The following CHD5 variants were observed in gnomAD, a reference collection of about 807,000 sequenced individuals.
CHD5 encodes the protein ATP-dependent chromatin remodeler CHD5.
CHD5 carries 69 observed loss-of-function variants against 230.3 expected under a neutral mutation model. That is an observed-to-expected ratio of 0.30 (90% CI 0.25 to 0.37). CHD5 has a LOEUF of 0.37. Among genes scored for constraint, CHD5 ranks in the 10% least tolerant of loss-of-function variants. The pLI is 1.00. For synonymous variants in CHD5, 1,064 were observed against 1,065.9 expected, an observed-to-expected ratio of 1.00 and a Z score of 0.03; for missense variants, 1,827 against 2,622.8, an observed-to-expected ratio of 0.70 and a Z score of 6.63.
intron 2 of CHD5, among the ~76,000 whole-genome samples, chr1:6,166,799 C>T (rs1249078100): frequency 2.0e-5 from 3 of 152,160 alleles, no homozygotes; most frequent in Non-Finnish European, 4.4e-5. Context: ...ACCCCAGGGC[C>T]GCCAGGGGAG....
intron 6 of CHD5, 41 bp from the exon 7 acceptor site, chr1:6,151,196 CCAGAAGGCTTCGCT>C: frequency 6.4e-7 from 1 of 1,569,846 alleles, no homozygotes; most frequent in African/African-American, 1.4e-5. Flanking sequence ...AGGGCTTCAC[CCAGAAGGCTTCGCT>C]GGCCCAGGCA....
At position 6,112,933 on chromosome 1, in the gene CHD5, C is replaced by A. The variant is rs778006752; in HGVS notation, c.4978G>T (p.Gly1660Trp). The A allele has an allele frequency of 1.2e-6, 2 of 1,613,960 alleles. No homozygotes were observed. Among genetic ancestry groups the A allele is most frequent in the East Asian group, 4.5e-5 (2 of 44,882 alleles). Residue 1660 changes from glycine to tryptophan, a missense_variant, in exon 34 of 42, where the codon GGG becomes TGG. Gly to Trp is a radical substitution (Grantham distance 184). This residue lies in a region of CHD5 where 272 missense variants were observed against 263.2 expected (regional missense o/e 1.03). Transcript: ENST00000262450. ...CCTGGCCTGAGTTCGGAACTGTCCC[C>A]TCTGCTGTGGATCAAGCTCAGCTCC... is the stretch of plus-strand genomic sequence containing the variant. Reference protein sequence around the residue: ...KLELSLIHSRGDSSELRPDDT... With the variant: ...KLELSLIHSRWDSSELRPDDT...
intron 33 of CHD5, chr1:6,113,407 G>C (rs746948960): frequency 8.2e-6 from 3 of 364,814 alleles, no homozygotes; most frequent in Non-Finnish European, 1.7e-5. Flanking sequence ...CTGAGTGACA[G>C]AGCAAGACGC....
intron 36 of CHD5, 57 bp downstream of exon 36, chr1:6,111,718 C>T: frequency 2.1e-6 from 3 of 1,400,814 alleles, no homozygotes; most frequent in Admixed American, 1.7e-5. Context: ...AGGGCTCTCC[C>T]CGAGGTCCAC....
chr1:6,107,493 T>G (rs1415715244), intron 38 of CHD5, among the ~76,000 whole-genome samples: 106 of 49,414 alleles, frequency 2.1e-3, no homozygotes, highest in East Asian at 8.2e-3. Flanking sequence ...GGATGATGGA[T>G]AGATGGAGGG....
In CHD5 at chr1:6,131,677, A is replaced by C. The variant is rs904013305; in HGVS notation, c.3216T>G (p.Gly1072=). The C allele has an allele frequency of 6.2e-7, 1 of 1,613,428 alleles. No homozygotes were observed. The highest frequency in any genetic ancestry group is 1.7e-5 in the Admixed American group (1 of 59,998). The change falls in exon 21 of 42, where the codon GGT becomes GGG. Residue 1072 remains glycine (G), a synonymous_variant. Transcript: ENST00000262450. The surrounding 1 kb of genome is among the most constrained non-coding windows in gnomAD (Gnocchi z 5.0). ...CCTGCCGGAGGCCCCCGGTGATGCC[A>C]CCATCAATCCGCTCATACTTGTAGC... The part of the protein sequence containing the change: ...YEGYKYERID[G]GITGGLRQEA...
intron 31 of CHD5, among the ~76,000 whole-genome samples, chr1:6,123,370 G>A (rs12087820): frequency 0.032 from 4,819 of 152,174 alleles, 239 homozygotes; most frequent in African/African-American, 0.11. Flanking sequence ...AAAATATTCC[G>A]GCCTTAGGCA....
intron 1 of CHD5, among the ~76,000 whole-genome samples, chr1:6,170,303 G>GC (rs1473594156): frequency 6.6e-6 from 1 of 152,160 alleles, no homozygotes; most frequent in East Asian, 1.9e-4. Context: ...CCACCGCCCG[G>GC]CCTGGGACCC....
chr1:6,163,807 T>A (rs138668846), intron 2 of CHD5, among the ~76,000 whole-genome samples: 91 of 152,300 alleles, frequency 6.0e-4, no homozygotes, highest in African/African-American at 1.9e-3. Flanking sequence ...TTGAGGGCCA[T>A]CAAACCACAC....
At chr1:6,124,761 C>G in intron 29 of CHD5, 100 bp from the exon 30 acceptor site, 1 of 788,954 alleles carries the variant, frequency 1.3e-6, no homozygotes. Flanking sequence ...GGCTGATCTT[C>G]AACCATCGCC....
At chr1:6,144,888 G>A (rs768075372) in intron 11 of CHD5, among the ~76,000 whole-genome samples, 11 of 152,364 alleles carry the variant, frequency 7.2e-5, no homozygotes, top group African/African-American at 9.6e-5. Flanking sequence ...CACGGCAACC[G>A]ATGTTTGTTT....
chr1:6,170,226 C>T (rs1380187108), intron 1 of CHD5, among the ~76,000 whole-genome samples: 2 of 152,240 alleles, frequency 1.3e-5, no homozygotes, highest in South Asian at 2.1e-4. Flanking sequence ...CAGACACACT[C>T]GCCACATGCA....
chr1:6,171,924 C>T (rs1225879566), intron 1 of CHD5, among the ~76,000 whole-genome samples: 1 of 152,266 alleles, frequency 6.6e-6, no homozygotes, highest in Non-Finnish European at 1.5e-5. Context: ...CCTAACCCTC[C>T]AGGGCCTGAG....
At position 6,128,751 on chromosome 1, in the gene CHD5, C is replaced by T. The variant is rs1666604588; in HGVS notation, c.3619+87G>A. On this transcript the variant is annotated intron_variant, in intron 23 of 41. Transcript: ENST00000262450. This position sits in a 1 kb window ranked among gnomAD's most constrained non-coding sequence, Gnocchi z 7.8. ...GCAGAAGAGAGGCTGTGTGTTGGAG[C>T]GGGCAGGGACCCAAGCAAGCCCTGG... 6 of 1,289,218 alleles carry T rather than the reference C, an allele frequency of 4.7e-6. No homozygotes were observed. Among genetic ancestry groups the T allele is most frequent in the Admixed American group, 1.8e-5 (1 of 55,006 alleles). 79.9% of individuals were successfully genotyped at this position (1,289,218 alleles called of 1,614,324 possible).
rs1557547031 is a variant in CHD5 at position 6,133,894 on chromosome 1, G to C, written c.3144+234C>G. Among the ~76,000 whole-genome samples, 5 of 152,320 alleles carry C rather than the reference G, an allele frequency of 3.3e-5. No homozygotes were observed. In the East Asian group the frequency reaches 9.6e-4, roughly 29 times the overall value. On this transcript the variant is annotated intron_variant, in intron 20 of 41. Coordinates refer to ENST00000262450, the MANE Select transcript of CHD5 (RefSeq NM_015557.3). The stretch of plus-strand genomic sequence containing the variant: ...GCTGTCCTACCAGCCTGGACATGCA[G>C]ACCAGAAGGGCAGGTGTGGGGAGAT...
At position 6,180,030 on chromosome 1, in the gene CHD5, C is replaced by T; in HGVS notation, c.-7G>A. ...TGCCCACTGGGCCCCGCATGCCCGGCGCGGGGAGGAGGGGAGGTGGGCGCC... is the reference window on the plus strand; with the variant it reads ...TGCCCACTGGGCCCCGCATGCCCGGTGCGGGGAGGAGGGGAGGTGGGCGCC... On this transcript the variant is annotated 5_prime_UTR_variant, in exon 1 of 42. Coordinates refer to ENST00000262450, the MANE Select transcript of CHD5 (RefSeq NM_015557.3). 1.5e-6 allele frequency: 2 copies of T among 1,318,244 alleles called. No individual in the cohort carries two copies. The allele number at this position is 1,318,244 out of a possible 1,614,324, so 81.7% of individuals were successfully genotyped here.
chr1:6,107,450 G>A (rs1437485932), intron 38 of CHD5, among the ~76,000 whole-genome samples: 3 of 141,006 alleles, frequency 2.1e-5, no homozygotes, highest in Non-Finnish European at 4.6e-5. Flanking sequence ...AGGGATGAGG[G>A]AGGGATAATG....
chr1:6,130,067 G>A lies in CHD5; in HGVS notation c.3387+137C>T, dbSNP rs902449563. 1.3e-5 allele frequency: 13 copies of A among 996,630 alleles called. No individual in the cohort carries two copies. The highest frequency in any genetic ancestry group is 3.2e-5 in the African/African-American group (2 of 62,628). 61.7% of individuals were successfully genotyped at this position (996,630 alleles called of 1,614,324 possible). ...CTCCCAGAGCCCCTCTTGGGGCCGAGACTCCACGGGGGAGGGAGGCCCACA... is the reference window on the plus strand; with the variant it reads ...CTCCCAGAGCCCCTCTTGGGGCCGAAACTCCACGGGGGAGGGAGGCCCACA... On this transcript the variant is annotated intron_variant, in intron 22 of 41. Coordinates refer to ENST00000262450, the MANE Select transcript of CHD5 (RefSeq NM_015557.3). This position sits in a 1 kb window ranked among gnomAD's most constrained non-coding sequence, Gnocchi z 4.9.
intron 3 of CHD5, among the ~76,000 whole-genome samples, chr1:6,157,072 C>A (rs561494781): frequency 3.9e-5 from 6 of 152,184 alleles, no homozygotes; most frequent in African/African-American, 1.2e-4. Flanking sequence ...TGTCAAAATG[C>A]GTTAGCAATT....
Sources: gnomAD v4.1 joint callset for allele counts (sites outside exome capture counted in the v4.1 genomes callset) on GRCh38, gnomAD v4.1.1 for gene constraint, gnomAD v4.1.1 regional missense constraint, Gnocchi (gnomAD v3.1) non-coding constraint, MANE v1.5 for transcripts, NCBI Gene and HGNC (gene_info 2026-07-23, HGNC 2026-07-21) for gene names.